EIF4G3: variants seen among roughly 807,000 people sequenced by gnomAD.
The protein encoded by EIF4G3 is eIF-4-gamma 3.
EIF4G3 carries 34 observed loss-of-function variants against 186.4 expected under a neutral mutation model. The ratio of observed to expected loss-of-function variants is 0.18; its 90% CI spans 0.14 to 0.24. The LOEUF (loss-of-function observed/expected upper bound fraction) is 0.24, where lower values mean the gene tolerates loss of function less well. Among genes scored for constraint, EIF4G3 ranks in the 10% least tolerant of loss-of-function variants. The probability of loss-of-function intolerance (pLI) is 1.00; values close to 1 mark genes in which losing one functional copy is unlikely to be tolerated. For missense variants in EIF4G3, 1,536 were observed against 1,948.5 expected (o/e 0.79, Z 3.99); for synonymous variants, 673 against 679.5 (o/e 0.99, Z 0.15).
At chr1:20,995,776 C>T (rs7547482) in intron 7 of EIF4G3, among the ~76,000 whole-genome samples, 143,844 of 152,276 alleles carry the variant, frequency 0.94, 68,460 homozygotes, top group Middle Eastern at 1. Flanking sequence ...CGTTAATTCC[C>T]TCTACTAACA....
At chr1:21,024,155 C>T (rs1238513891) in intron 4 of EIF4G3, among the ~76,000 whole-genome samples, 14 of 136,550 alleles carry the variant, frequency 1.0e-4, no homozygotes, top group South Asian at 2.3e-4. Flanking sequence ...TCACCCCGTC[C>T]GGGAGGGAGG....
At chr1:20,908,400 T>C (rs1446797242) in intron 14 of EIF4G3, among the ~76,000 whole-genome samples, 2 of 152,190 alleles carry the variant, frequency 1.3e-5, no homozygotes, top group African/African-American at 4.8e-5. Context: ...TTAACAGACA[T>C]GTTTAATCAT....
intron 30 of EIF4G3, among the ~76,000 whole-genome samples, chr1:20,832,582 T>C (rs2065614344): frequency 1.3e-5 from 2 of 148,360 alleles, no homozygotes; most frequent in South Asian, 2.2e-4. Flanking sequence ...CTGATGGTAG[T>C]TTCTTTTGCT....
intron 3 of EIF4G3, among the ~76,000 whole-genome samples, chr1:21,054,279 G>A (rs999084357): frequency 7.4e-5 from 11 of 149,546 alleles, no homozygotes; most frequent in Admixed American, 2.0e-4. Flanking sequence ...CAGCATGCCC[G>A]TTAAGAGTCA....
chr1:20,941,469 G>C lies in EIF4G3; in HGVS notation c.1663+22C>G, dbSNP rs748976949. 4 of 1,605,304 alleles carry C rather than the reference G, an allele frequency of 2.5e-6. No homozygotes were observed. The African/African-American group carries it at 5.4e-5, about 22-fold the overall frequency. ...TCTTCTTCATGTTCAGCAAGCACGA[G>C]ATTAATGGCAGAATGGCTTACCTGG... On this transcript the variant is annotated intron_variant, in intron 14 of 36. Coordinates refer to ENST00000602326, the MANE Select transcript of EIF4G3 (RefSeq NM_001391906.1).
At chr1:21,165,831 T>C (rs1573661370) in intron 2 of EIF4G3, among the ~76,000 whole-genome samples, 1 of 152,268 alleles carries the variant, frequency 6.6e-6, no homozygotes, top group Middle Eastern at 3.4e-3. Flanking sequence ...ACTCATACGG[T>C]ATGTGGATTA....
chr1:20,831,446 C>T (rs1461056550), intron 30 of EIF4G3, among the ~76,000 whole-genome samples: 1 of 151,600 alleles, frequency 6.6e-6, no homozygotes, highest in Non-Finnish European at 1.5e-5. Context: ...TTAGTGTTAG[C>T]AATAGAATTT....
intron 2 of EIF4G3, among the ~76,000 whole-genome samples, chr1:21,097,191 G>T (rs906172254): frequency 6.6e-6 from 1 of 152,102 alleles, no homozygotes; most frequent in Admixed American, 6.6e-5. Context: ...AAGGATACAC[G>T]ATCTTTCCAA....
intron 12 of EIF4G3, among the ~76,000 whole-genome samples, chr1:20,955,804 T>C (rs2096397006): frequency 1.3e-5 from 2 of 151,996 alleles, no homozygotes; most frequent in South Asian, 4.1e-4. Context: ...GTTTCTGAGA[T>C]AGGGGCCAGT....
intron 4 of EIF4G3, among the ~76,000 whole-genome samples, chr1:21,025,802 G>C (rs566707595): frequency 6.6e-6 from 1 of 152,270 alleles, no homozygotes; most frequent in South Asian, 2.1e-4. Context: ...AAAGTCTACA[G>C]AGTAATTAGG....
At chr1:20,856,649 G>A (rs1277421443) in intron 25 of EIF4G3, among the ~76,000 whole-genome samples, 1 of 152,186 alleles carries the variant, frequency 6.6e-6, no homozygotes, top group Non-Finnish European at 1.5e-5. Context: ...ATGATTTCTA[G>A]TAGGCCCTCT....
At chr1:20,835,525 G>A (rs1157646473) in intron 30 of EIF4G3, among the ~76,000 whole-genome samples, 1 of 151,990 alleles carries the variant, frequency 6.6e-6, no homozygotes, top group Non-Finnish European at 1.5e-5. Context: ...AATAAGAAAT[G>A]AAAGAGGAGA....
At chr1:21,151,236 C>CGTTTTTTTTTTTTTTTT (rs2097543666) in intron 2 of EIF4G3, among the ~76,000 whole-genome samples, 1 of 80,410 alleles carries the variant, frequency 1.2e-5, no homozygotes, top group Non-Finnish European at 2.2e-5. Flanking sequence ...GTATTTCTTT[C>CGTTTTTTTTTTTTTTTT]TTTTTTTTTT....
intron 2 of EIF4G3, among the ~76,000 whole-genome samples, chr1:21,133,041 C>T (rs1239986052): frequency 1.3e-5 from 2 of 152,222 alleles, no homozygotes; most frequent in African/African-American, 4.8e-5. Context: ...ACCTCGGCCT[C>T]CCCAAGTGCT....
chr1:20,918,782 G>C (rs2094198469), intron 14 of EIF4G3, among the ~76,000 whole-genome samples: 1 of 135,216 alleles, frequency 7.4e-6, no homozygotes, highest in Admixed American at 8.1e-5. Flanking sequence ...CTGGGCTCAA[G>C]TAATCCTCTG....
At chr1:21,035,700 A>C (rs751247411) in intron 4 of EIF4G3, among the ~76,000 whole-genome samples, 3 of 152,256 alleles carry the variant, frequency 2.0e-5, no homozygotes, top group Non-Finnish European at 2.9e-5. Flanking sequence ...GCCTGTGGGC[A>C]TCCCTTGGCA....
At chr1:20,880,213 G>A (rs1006984016) in intron 19 of EIF4G3, among the ~76,000 whole-genome samples, 1 of 152,006 alleles carries the variant, frequency 6.6e-6, no homozygotes, top group Non-Finnish European at 1.5e-5. Context: ...CAAAGAAAAA[G>A]CAATAAAAGG....
At chr1:20,902,688 T>C (rs913313605) in intron 15 of EIF4G3, among the ~76,000 whole-genome samples, 2 of 152,244 alleles carry the variant, frequency 1.3e-5, no homozygotes, top group African/African-American at 4.8e-5. Context: ...TTGTCCAGGC[T>C]GGAGTGCACT....
intron 14 of EIF4G3, among the ~76,000 whole-genome samples, chr1:20,912,268 C>A (rs1166132301): frequency 1.3e-5 from 2 of 152,176 alleles, no homozygotes; most frequent in African/African-American, 4.8e-5. Flanking sequence ...AAGAGTGAGA[C>A]TTGGTCTCAA....
Sources: allele counts gnomAD v4.1 joint callset (sites outside exome capture counted in the v4.1 genomes callset), GRCh38; gene constraint gnomAD v4.1.1; transcripts MANE v1.5; gene names NCBI Gene and HGNC (gene_info 2026-07-23, HGNC 2026-07-21).